The following GRPR variants were observed in gnomAD, a reference collection of about 807,000 sequenced individuals.
GRPR encodes gastrin releasing peptide receptor.
A neutral mutation model predicts 15.6 loss-of-function variants in GRPR; 4 were observed. That is an observed-to-expected ratio of 0.26 (90% CI 0.13 to 0.59). The LOEUF (loss-of-function observed/expected upper bound fraction) is 0.59. Among genes scored for constraint, GRPR ranks in the 20% least tolerant of loss-of-function variants. GRPR has a pLI of 0.90. For synonymous variants in GRPR, 128 were observed against 126.8 expected (o/e 1.01, Z -0.06); for missense variants, 270 against 304.1 (o/e 0.89, Z 0.83).
Position 16,150,530 on chromosome X carries a change from T to C in GRPR, c.639T>C (p.Ala213=), listed in dbSNP as rs112533561. 449 of 1,195,712 alleles carry C rather than the reference T, an allele frequency of 3.8e-4. 4 individuals carry two copies. In the African/African-American group the frequency reaches 5.7e-3, roughly 15 times the overall value. ...TTCACCCCAAAATCCATTCTATGGC[T>C]TCCTTTCTGGTCTTCTACGTCATTC... ...NELHPKIHSM[A]SFLVFYVIPL... is the part of the protein sequence containing the mutation. The change falls in exon 2 of 3, where the codon GCT becomes GCC. Residue 213 remains alanine, a synonymous_variant. Transcript: ENST00000380289.
chrX:16,152,062 G>A (rs1441923600), intron 2 of GRPR, among the ~76,000 whole-genome samples, 194 bp from the exon 3 acceptor site: 1 of 108,993 alleles, frequency 9.2e-6, no homozygotes, highest in Non-Finnish European at 1.9e-5. Context: ...GTCTGTTTCT[G>A]TTGCCTTTCT....
At position 16,152,714 on chromosome X, in the gene GRPR, T is replaced by G; in HGVS notation, c.*69T>G. Reference sequence around the variant, plus strand: ...GGCTAGACAGGAACCCTTGCATCCATTGTTGTGTCTGTGCCCTCCAAAGAG... The same window carrying G: ...GGCTAGACAGGAACCCTTGCATCCAGTGTTGTGTCTGTGCCCTCCAAAGAG... On this transcript the variant is annotated 3_prime_UTR_variant, in exon 3 of 3. Coordinates refer to ENST00000380289, the MANE Select transcript of GRPR (RefSeq NM_005314.3). 1.0e-6 allele frequency: 1 copy of G among 993,065 alleles called. No homozygotes were observed. Among genetic ancestry groups the G allele is most frequent in the Non-Finnish European group, 1.4e-6 (1 of 698,181 alleles). 81.8% of individuals were successfully genotyped at this position (993,065 alleles called of 1,213,427 possible).
intron 1 of GRPR, among the ~76,000 whole-genome samples, chrX:16,141,498 A>G (rs1407128141): frequency 8.9e-6 from 1 of 112,014 alleles, no homozygotes; most frequent in Non-Finnish European, 1.9e-5. Context: ...CTAAGGTCAA[A>G]GTCTCACTCA....
chrX:16,133,447 G>A (rs188179113), intron 1 of GRPR, among the ~76,000 whole-genome samples: 10 of 111,030 alleles, frequency 9.0e-5, no homozygotes, highest in African/African-American at 3.3e-4. Context: ...TTTAGATTTA[G>A]ATTTAGATTC....
At chrX:16,124,838 T>C (rs1922265175) in intron 1 of GRPR, among the ~76,000 whole-genome samples, 1 of 112,539 alleles carries the variant, frequency 8.9e-6, no homozygotes, top group East Asian at 2.8e-4. Context: ...ATAAGCCTCA[T>C]TTCTCTGAAA....
intron 1 of GRPR, among the ~76,000 whole-genome samples, chrX:16,135,299 G>A (rs1922431989): frequency 8.9e-6 from 1 of 112,040 alleles, no homozygotes; most frequent in Admixed American, 9.4e-5. Flanking sequence ...AAATTTCATG[G>A]GAAGGAAAGA....
At chrX:16,151,732 A>G (rs1365743318) in intron 2 of GRPR, among the ~76,000 whole-genome samples, 1 of 112,278 alleles carries the variant, frequency 8.9e-6, no homozygotes, top group Non-Finnish European at 1.9e-5. Context: ...TAAAATCATA[A>G]TAATAGAGAG....
intron 1 of GRPR, among the ~76,000 whole-genome samples, chrX:16,139,535 G>T (rs1922499782): frequency 9.1e-6 from 1 of 110,061 alleles, no homozygotes; most frequent in Admixed American, 9.7e-5. Flanking sequence ...TCTTCTTCCA[G>T]TGTGGCCCAG....
At chrX:16,152,140 C>T (rs761216229) in intron 2 of GRPR, 116 bp from the exon 3 acceptor site, 2 of 653,424 alleles carry the variant, frequency 3.1e-6, no homozygotes, top group Admixed American at 2.2e-5. Context: ...GTGAACTCCT[C>T]TATTGCCCTA....
rs1411386811 is a variant in GRPR, at chrX:16,151,536, CTAATGA to C, written c.766-719_766-714del. 6.3e-5 allele frequency among the ~76,000 whole-genome samples: 7 copies of C among 111,706 alleles called. No individual in the cohort carries two copies. In the Admixed American group the frequency reaches 6.6e-4, roughly 11 times the overall value. On this transcript the variant is annotated intron_variant, in intron 2 of 2. Coordinates refer to ENST00000380289, the MANE Select transcript of GRPR (RefSeq NM_005314.3). The stretch of plus-strand genomic sequence containing the variant: ...AGTTGTGGGGGAAGAGTGGCAGTTT[CTAATGA>C]AACTACCTTCCTACTTGAAAAGCCT...
chrX:16,152,126 C>G (rs1337752255), intron 2 of GRPR, 130 bp from the exon 3 acceptor site: 3 of 589,542 alleles, frequency 5.1e-6, no homozygotes, highest in Middle Eastern at 4.8e-4. Flanking sequence ...TTTTCGGTGG[C>G]TTTGTGAACT....
intron 1 of GRPR, among the ~76,000 whole-genome samples, chrX:16,134,327 T>C (rs975698771): frequency 8.9e-6 from 1 of 112,201 alleles, no homozygotes; most frequent in Admixed American, 9.5e-5. Context: ...AATTTTCATT[T>C]TGTTCCATCT....
Position 16,152,445 on chromosome X carries a change from C to T in GRPR, c.955C>T (p.Pro319Ser). 8.3e-7 allele frequency: 1 copy of T among 1,208,274 alleles called. No homozygotes were observed. The highest frequency in any genetic ancestry group is 1.7e-5 in the African/African-American group (1 of 57,691). ...GGCCTTCACCAACTCCTGCGTGAACCCCTTTGCCCTCTACCTGCTGAGCAA... is the reference window on the plus strand; with the variant it reads ...GGCCTTCACCAACTCCTGCGTGAACTCCTTTGCCCTCTACCTGCTGAGCAA... ...LLAFTNSCVN[P>S]FALYLLSKSF... The change falls in exon 3 of 3, where the codon CCC becomes TCC. Residue 319 changes from proline (P) to serine (S), a missense_variant. Pro to Ser is a moderately conservative substitution (Grantham distance 74). This residue lies in a region of GRPR where 133 missense variants were observed against 123.4 expected (regional missense o/e 1.08). Transcript: ENST00000380289.
intron 1 of GRPR, among the ~76,000 whole-genome samples, chrX:16,139,210 G>A (rs759796804): frequency 4.5e-5 from 5 of 112,049 alleles, no homozygotes; most frequent in Non-Finnish European, 9.4e-5. Flanking sequence ...GACATGTTAC[G>A]ATTCCTAGTC....
Position 16,128,463 on chromosome X carries a change from C to T in GRPR, c.413+4097C>T, listed in dbSNP as rs191093084. On this transcript the variant is annotated intron_variant, in intron 1 of 2. Transcript: ENST00000380289. ...CCAGGAGGCGGAGGTTGCAGTGAGC[C>T]GACATTGTGCCACTGTACTCCAGCC... Among the ~76,000 whole-genome samples, 18 of 110,804 alleles carry T rather than the reference C, an allele frequency of 1.6e-4. No individual in the cohort carries two copies. The East Asian group carries it at 3.1e-3, about 19-fold the overall frequency.
intron 1 of GRPR, among the ~76,000 whole-genome samples, chrX:16,124,583 GAAAA>G (rs1211492938): frequency 9.3e-6 from 1 of 108,002 alleles, no homozygotes; most frequent in African/African-American, 3.4e-5. Context: ...AGACAGATGA[GAAAA>G]AAAAAATCTC....
intron 1 of GRPR, among the ~76,000 whole-genome samples, chrX:16,148,325 C>T (rs1280524647): frequency 1.8e-5 from 2 of 111,604 alleles, no homozygotes; most frequent in African/African-American, 6.5e-5. Context: ...ATTACACTTG[C>T]CATTCCTCTA....
chrX:16,150,627 G>A lies in GRPR; in HGVS notation c.736G>A (p.Val246Met), dbSNP rs750403502. The change falls in exon 2 of 3, where the codon GTG (valine) becomes ATG (methionine). Residue 246 changes from valine (V) to methionine (M), a missense_variant. Coordinates refer to ENST00000380289, the MANE Select transcript of GRPR (RefSeq NM_005314.3). Reference sequence around the variant, plus strand: ...GATCCAGAGTGCTTACAATCTTCCCGTGGAAGGGAATATACATGTCAAGAA... The same window carrying A: ...GATCCAGAGTGCTTACAATCTTCCCATGGAAGGGAATATACATGTCAAGAA... ...NLIQSAYNLP[V>M]EGNIHVKKQI... 8 of 1,167,910 alleles carry A rather than the reference G, an allele frequency of 6.8e-6. No homozygotes were observed. Among genetic ancestry groups the A allele is most frequent in the East Asian group, 3.0e-5 (1 of 33,622 alleles).
At position 16,138,221 on chromosome X, in the gene GRPR, T is replaced by C. The variant is rs539394571; in HGVS notation, c.414-12084T>C. On this transcript the variant is annotated intron_variant, in intron 1 of 2. Transcript: ENST00000380289. ...GGAAGAACCTGTGAAAGCAGGGACA[T>C]TGCCCTCTAGCGAGCACCAAGGTTC... 8.0e-5 allele frequency among the ~76,000 whole-genome samples: 9 copies of C among 111,999 alleles called. No individual in the cohort carries two copies. In the South Asian group the frequency reaches 2.6e-3, roughly 33 times the overall value.
Sources: gnomAD v4.1 joint callset for allele counts (sites outside exome capture counted in the v4.1 genomes callset) on GRCh38, gnomAD v4.1.1 for gene constraint, gnomAD v4.1.1 regional missense constraint, MANE v1.5 for transcripts, NCBI Gene and HGNC (gene_info 2026-07-23, HGNC 2026-07-21) for gene names.